The following NUCB1 variants were observed in gnomAD, a reference collection of about 807,000 sequenced individuals.
NUCB1 encodes the protein nucleobindin-1.
In NUCB1, 47 loss-of-function variants were observed where a neutral mutation model predicts 61.2. The ratio of observed to expected loss-of-function variants is 0.77; its 90% confidence interval spans 0.61 to 0.98. The LOEUF is 0.98. Among genes scored for constraint, NUCB1 ranks in the 50% least tolerant of loss-of-function variants. The pLI is 0.00. For missense variants in NUCB1, 583 were observed against 605.3 expected (o/e 0.96, Z 0.39); for synonymous variants, 234 against 243.1 (o/e 0.96, Z 0.35).
rs965103640 is a variant in NUCB1 at position 48,905,843 on chromosome 19, C to T, written c.334C>T (p.Arg112Trp). ...ELKRQEVSRL[R>W]MLLKAKMDAE... ...CAAGCGACAGGAGGTGTCACGGCTG[C>T]GGATGCTGCTCAAGGCCAAGATGGA... Residue 112 changes from arginine (R) to tryptophan (W), a missense_variant, in exon 4 of 13, where the codon CGG becomes TGG. Physicochemically the swap from Arg to Trp is moderately radical, Grantham distance 101 (BLOSUM62 -3). Transcript: ENST00000405315. 23 of 1,388,374 alleles carry T rather than the reference C, an allele frequency of 1.7e-5. No homozygotes were observed. The highest frequency in any genetic ancestry group is 4.2e-5 in the East Asian group (1 of 23,598). 86.0% of individuals were successfully genotyped at this position (1,388,374 alleles called of 1,614,324 possible).
chr19:48,922,326 C>A lies in NUCB1; in HGVS notation c.1288C>A (p.Pro430Thr), dbSNP rs778971270. ...LKFHPDTDDV[P>T]VPAPAGDQKE... Reference sequence around the variant, plus strand: ...CCTCCCTCCATTTCCAGACGATGTACCTGTCCCAGCTCCAGCCGGTGACCA... The same window carrying A: ...CCTCCCTCCATTTCCAGACGATGTAACTGTCCCAGCTCCAGCCGGTGACCA... Residue 430 changes from proline (P) to threonine (T), a missense_variant, in exon 13 of 13, where the codon CCT becomes ACT. Pro to Thr is a conservative substitution (Grantham distance 38). Transcript: ENST00000405315. 4 of 1,613,430 alleles carry A rather than the reference C, an allele frequency of 2.5e-6. No homozygotes were observed. The Admixed American group carries it at 6.7e-5, about 27-fold the overall frequency.
intron 2 of NUCB1, among the ~76,000 whole-genome samples, chr19:48,902,590 G>T (rs2037364373): frequency 6.7e-6 from 1 of 150,172 alleles, no homozygotes; most frequent in Admixed American, 6.7e-5. Context: ...TTGTATTTTT[G>T]ATAGAGACAG....
chr19:48,922,367 T>C lies in NUCB1; in HGVS notation c.1329T>C (p.Thr443=). ...APAGDQKEVD[T]SEKKLLERLP... is the part of the protein sequence containing the mutation. ...CCGGTGACCAGAAGGAGGTGGACAC[T>C]TCAGAAAAGAAACTTCTCGAGCGGC... Residue 443 remains threonine (T), a synonymous_variant, in exon 13 of 13, where the codon ACT becomes ACC. Coordinates refer to ENST00000405315, the MANE Select transcript of NUCB1 (RefSeq NM_006184.6). 6.2e-7 allele frequency: 1 copy of C among 1,613,832 alleles called. No individual in the cohort carries two copies. The highest frequency in any genetic ancestry group is 8.5e-7 in the Non-Finnish European group (1 of 1,179,814).
At chr19:48,911,114 T>C in intron 4 of NUCB1, 35 bp from the exon 5 acceptor site, 1 of 1,472,526 alleles carries the variant, frequency 6.8e-7, no homozygotes, top group Non-Finnish European at 9.5e-7. Context: ...TGAAAGAACA[T>C]GCCCTCAGGT....
chr19:48,909,310 C>T (rs187245394), intron 4 of NUCB1, among the ~76,000 whole-genome samples: 89 of 151,504 alleles, frequency 5.9e-4, no homozygotes, highest in African/African-American at 2.0e-3. Context: ...TGCGGTGGCG[C>T]GATCTCAGCT....
intron 5 of NUCB1, among the ~76,000 whole-genome samples, chr19:48,912,375 A>G (rs2037483690): frequency 6.6e-6 from 1 of 152,006 alleles, no homozygotes. Flanking sequence ...CATAAATACT[A>G]AGTTCACCAC....
chr19:48,918,905 C>A, intron 8 of NUCB1, 121 bp downstream of exon 8: 3 of 1,312,210 alleles, frequency 2.3e-6, no homozygotes, highest in East Asian at 2.4e-5. Context: ...CTCCCATCAG[C>A]CCCTGGGGCA....
At position 48,911,375 on chromosome 19, in the gene NUCB1, G is replaced by A. The variant is rs960999463; in HGVS notation, c.480+123G>A. 3.1e-5 allele frequency: 20 copies of A among 649,002 alleles called. 1 individual carries two copies. The Admixed American group carries it at 5.5e-4, about 18-fold the overall frequency. 40.2% of individuals were successfully genotyped at this position (649,002 alleles called of 1,614,324 possible). ...CTGGTGTTCTCTGAGGTTGGAGGCTGGTAGAGGGCTGAGTCGTTTCTTTTC... is the reference window on the plus strand; with the variant it reads ...CTGGTGTTCTCTGAGGTTGGAGGCTAGTAGAGGGCTGAGTCGTTTCTTTTC... On this transcript the variant is annotated intron_variant, in intron 5 of 12. Transcript: ENST00000405315.
In NUCB1 at chr19:48,900,812, C is replaced by A; in HGVS notation, c.16C>A (p.Pro6Thr). 1 of 1,613,910 alleles carries A rather than the reference C, an allele frequency of 6.2e-7. No individual in the cohort carries two copies. The highest frequency in any genetic ancestry group is 8.5e-7 in the Non-Finnish European group (1 of 1,180,004). The change falls in exon 2 of 13, where the codon CCC becomes ACC. Residue 6 changes from proline to threonine, a missense_variant. Coordinates refer to ENST00000405315, the MANE Select transcript of NUCB1 (RefSeq NM_006184.6). ...CCACACTGCCATGCCTCCCTCTGGG[C>A]CCCGAGGAACCCTCCTTCTGTTGCC... MPPSG[P>T]RGTLLLLPLL...
At chr19:48,917,319 A>G (rs1021059680) in intron 7 of NUCB1, among the ~76,000 whole-genome samples, 4 of 151,682 alleles carry the variant, frequency 2.6e-5, no homozygotes, top group Non-Finnish European at 5.9e-5. Context: ...ACCTTTTTTT[A>G]TTTTTCATTT....
At chr19:48,907,278 T>G (rs1030387839) in intron 4 of NUCB1, among the ~76,000 whole-genome samples, 1 of 146,084 alleles carries the variant, frequency 6.8e-6, no homozygotes, top group African/African-American at 2.5e-5. Context: ...TGGCCTTTTT[T>G]TTTTTTTTTT....
intron 5 of NUCB1, 135 bp downstream of exon 5, chr19:48,911,387 AGTCGT>A: frequency 1.9e-6 from 1 of 523,194 alleles, no homozygotes; most frequent in Non-Finnish European, 3.4e-6. Flanking sequence ...TAGAGGGCTG[AGTCGT>A]TTCTTTTCTT....
intron 4 of NUCB1, among the ~76,000 whole-genome samples, chr19:48,907,928 G>A (rs888372452): frequency 1.1e-4 from 16 of 151,464 alleles, no homozygotes; most frequent in Middle Eastern, 3.2e-3. Context: ...CCGCTCTCCC[G>A]TGACATTCTT....
At chr19:48,902,932 A>C (rs2037367749) in intron 2 of NUCB1, among the ~76,000 whole-genome samples, 1 of 114,298 alleles carries the variant, frequency 8.7e-6, no homozygotes, top group Non-Finnish European at 1.7e-5. Flanking sequence ...AAAGAGGTAA[A>C]GAATGTATAT....
rs1255984006 is a variant in NUCB1, at chr19:48,900,911, A to G, written c.115A>G (p.Thr39Ala). Residue 39 changes from threonine to alanine, a missense_variant, in exon 2 of 13, where the codon ACC (threonine) becomes GCC (alanine). Coordinates refer to ENST00000405315, the MANE Select transcript of NUCB1 (RefSeq NM_006184.6). The stretch of plus-strand genomic sequence containing the variant: ...GCGAGGGGCGCCCAACAAGGAGGAG[A>G]CCCCTGCGACTGAGAGTCCCGTGAG... ...LERGAPNKEE[T>A]PATESPDTGL... 1 of 1,613,480 alleles carries G rather than the reference A, an allele frequency of 6.2e-7. No homozygotes were observed. Among genetic ancestry groups the G allele is most frequent in the African/African-American group, 1.3e-5 (1 of 74,830 alleles).
At chr19:48,907,637 C>G (rs2037426731) in intron 4 of NUCB1, among the ~76,000 whole-genome samples, 1 of 152,194 alleles carries the variant, frequency 6.6e-6, no homozygotes, top group Non-Finnish European at 1.5e-5. Flanking sequence ...AAAGGTCACG[C>G]ATTCACAGGT....
At chr19:48,900,457 C>T (rs1335925492) in intron 1 of NUCB1, 85 bp downstream of exon 1, 1 of 323,564 alleles carries the variant, frequency 3.1e-6, no homozygotes, top group Admixed American at 4.6e-5. Flanking sequence ...GAGGAGGATG[C>T]ACTGGGTGCC....
At chr19:48,900,562 A>C (rs1160792579) in intron 1 of NUCB1, 190 bp downstream of exon 1, 1 of 585,782 alleles carries the variant, frequency 1.7e-6, no homozygotes, top group Non-Finnish European at 3.0e-6. Context: ...TGAGTGTGAG[A>C]GAGGAGCGTG....
At chr19:48,908,721 G>GGTGGGGGTGTGT (rs780595245) in intron 4 of NUCB1, among the ~76,000 whole-genome samples, 1 of 109,328 alleles carries the variant, frequency 9.1e-6, no homozygotes, top group East Asian at 2.8e-4. Flanking sequence ...TTGACCAAGG[G>GGTGGGGGTGTGT]GTGTGTGTGT....
Sources: gnomAD v4.1 joint callset for allele counts (sites outside exome capture counted in the v4.1 genomes callset) on GRCh38, gnomAD v4.1.1 for gene constraint, MANE v1.5 for transcripts, NCBI Gene and HGNC (gene_info 2026-07-23, HGNC 2026-07-21) for gene names.